The following FAM227B variants were observed in gnomAD, a reference collection of about 807,000 sequenced individuals.
FAM227B encodes family with sequence similarity 227 member B.
FAM227B carries 88 observed loss-of-function variants against 73.8 expected under a neutral mutation model. The observed-to-expected ratio is 1.19, with a 90% CI of 1.00 to 1.42. The LOEUF (loss-of-function observed/expected upper bound fraction) is 1.42. Among genes scored for constraint, FAM227B ranks in the 40% most tolerant of loss-of-function variants. FAM227B has a pLI of 0.00. For synonymous variants in FAM227B, 210 were observed against 190.5 expected (o/e 1.10, Z -0.84); for missense variants, 632 against 590.9 (o/e 1.07, Z -0.72).
intron 2 of FAM227B, among the ~76,000 whole-genome samples, chr15:49,612,700 T>C (rs961513865): frequency 6.6e-6 from 1 of 152,142 alleles, no homozygotes; most frequent in African/African-American, 2.4e-5. Flanking sequence ...ACTGAAAAGA[T>C]TGTACTACAT....
chr15:49,363,230 T>C (rs2044554602), intron 13 of FAM227B, among the ~76,000 whole-genome samples: 1 of 152,184 alleles, frequency 6.6e-6, no homozygotes, highest in Non-Finnish European at 1.5e-5. Context: ...GCCATTTAAA[T>C]GGTATTGATT....
At chr15:49,450,667 A>C (rs1242647212) in intron 11 of FAM227B, among the ~76,000 whole-genome samples, 1 of 152,154 alleles carries the variant, frequency 6.6e-6, no homozygotes, top group Non-Finnish European at 1.5e-5. Context: ...CAGAGAACAA[A>C]AACTTCCTTA....
intron 11 of FAM227B, among the ~76,000 whole-genome samples, chr15:49,483,464 T>C (rs1324658051): frequency 1.3e-5 from 2 of 152,102 alleles, no homozygotes; most frequent in African/African-American, 4.8e-5. Flanking sequence ...GGTTTCTTCA[T>C]CTGTAAAATG....
chr15:49,582,286 A>T (rs1228862861), intron 5 of FAM227B, among the ~76,000 whole-genome samples: 1 of 152,206 alleles, frequency 6.6e-6, no homozygotes, highest in Admixed American at 6.5e-5. Context: ...AAATGGAAAA[A>T]AATTTACCAA....
chr15:49,480,257 C>T (rs2055808621), intron 11 of FAM227B, among the ~76,000 whole-genome samples: 1 of 151,886 alleles, frequency 6.6e-6, no homozygotes, highest in Non-Finnish European at 1.5e-5. Context: ...TATCCTTAAC[C>T]CTAATATGTG....
chr15:49,538,853 T>C (rs752797197), intron 10 of FAM227B, among the ~76,000 whole-genome samples: 1 of 152,166 alleles, frequency 6.6e-6, no homozygotes, highest in South Asian at 2.1e-4. Context: ...TCTTTTTCTA[T>C]TGTTTAGTTG....
intron 11 of FAM227B, among the ~76,000 whole-genome samples, chr15:49,432,994 A>C (rs2050750760): frequency 1.3e-5 from 2 of 151,718 alleles, no homozygotes; most frequent in South Asian, 2.1e-4. Flanking sequence ...TAAAACAATA[A>C]ATTTTTACTT....
At chr15:49,592,399 T>C (rs1269027288) in intron 3 of FAM227B, among the ~76,000 whole-genome samples, 1 of 152,250 alleles carries the variant, frequency 6.6e-6, no homozygotes, top group Non-Finnish European at 1.5e-5. Flanking sequence ...TTCTGTTTCA[T>C]AATTTTTCTT....
At chr15:49,345,341 T>G (rs878899365) in intron 13 of FAM227B, among the ~76,000 whole-genome samples, 2 of 152,168 alleles carry the variant, frequency 1.3e-5, no homozygotes, top group Admixed American at 1.3e-4. Context: ...GTTGTACATT[T>G]GTGCTGTATA....
intron 11 of FAM227B, among the ~76,000 whole-genome samples, chr15:49,455,200 T>C (rs766968946): frequency 3.3e-5 from 5 of 152,196 alleles, no homozygotes; most frequent in Non-Finnish European, 7.3e-5. Flanking sequence ...AGTCTGGTGA[T>C]ATTCCTGTTC....
At chr15:49,583,715 C>G (rs764362603) in intron 5 of FAM227B, among the ~76,000 whole-genome samples, 1 of 150,602 alleles carries the variant, frequency 6.6e-6, no homozygotes, top group Non-Finnish European at 1.5e-5. Flanking sequence ...ATACAACCAT[C>G]GGAGAATACT....
intron 6 of FAM227B, 187 bp downstream of exon 6, chr15:49,577,441 AT>A (rs1295549063): frequency 8.4e-6 from 4 of 478,912 alleles, no homozygotes; most frequent in East Asian, 3.4e-5. Flanking sequence ...ATGATCAAGA[AT>A]TTTAGCTAGA....
At chr15:49,372,297 T>C (rs1403157686) in intron 11 of FAM227B, among the ~76,000 whole-genome samples, 1 of 152,064 alleles carries the variant, frequency 6.6e-6, no homozygotes, top group African/African-American at 2.4e-5. Context: ...AAAATTCATT[T>C]ATTTACATTA....
intron 11 of FAM227B, among the ~76,000 whole-genome samples, chr15:49,408,871 T>C (rs2048695170): frequency 6.6e-6 from 1 of 152,118 alleles, no homozygotes; most frequent in South Asian, 2.1e-4. Context: ...TATATCACCA[T>C]GGCATTTACT....
chr15:49,381,125 A>G (rs2046506499), intron 11 of FAM227B, among the ~76,000 whole-genome samples: 2 of 152,152 alleles, frequency 1.3e-5, no homozygotes, highest in African/African-American at 4.8e-5. Flanking sequence ...AGGAACTCAG[A>G]GCAACAGCTC....
At chr15:49,358,726 G>C (rs1422137755) in intron 13 of FAM227B, among the ~76,000 whole-genome samples, 5 of 151,420 alleles carry the variant, frequency 3.3e-5, no homozygotes, top group Non-Finnish European at 5.9e-5. Context: ...TCACAGAATT[G>C]GAAAAAACTA....
intron 10 of FAM227B, among the ~76,000 whole-genome samples, chr15:49,509,245 A>G (rs2058803271): frequency 6.6e-6 from 1 of 152,194 alleles, no homozygotes; most frequent in Non-Finnish European, 1.5e-5. Context: ...TTTAAAAATC[A>G]AAAAGCATTT....
At chr15:49,465,179 G>C (rs2054152551) in intron 11 of FAM227B, among the ~76,000 whole-genome samples, 1 of 152,032 alleles carries the variant, frequency 6.6e-6, no homozygotes, top group South Asian at 2.1e-4. Context: ...GCTCAGGCTA[G>C]AGTGCAGTAA....
intron 9 of FAM227B, among the ~76,000 whole-genome samples, chr15:49,553,617 G>T (rs142586973): frequency 4.9e-4 from 74 of 152,316 alleles, no homozygotes; most frequent in African/African-American, 1.8e-3. Context: ...ACAAGATGCA[G>T]TCCTTCCTAC....
Sources: allele counts gnomAD v4.1 joint callset (sites outside exome capture counted in the v4.1 genomes callset), GRCh38; gene constraint gnomAD v4.1.1; transcripts MANE v1.5; gene names NCBI Gene and HGNC (gene_info 2026-07-23, HGNC 2026-07-21).